IKBKE: variants seen among roughly 807,000 people sequenced by gnomAD.
IKBKE encodes the protein inhibitor of nuclear factor kappa B kinase subunit epsilon.
A neutral mutation model predicts 92.1 loss-of-function variants in IKBKE; 45 were observed. That is an observed-to-expected ratio of 0.49 (90% CI 0.38 to 0.63). The LOEUF is 0.63. IKBKE is among the 20% of genes least tolerant of loss of function. The pLI is 0.00. For missense variants in IKBKE, 700 were observed against 932.8 expected (o/e 0.75, Z 3.25); for synonymous variants, 374 against 380.3 (o/e 0.98, Z 0.19).
chr1:206,479,514 C>T (rs1665246298), intron 10 of IKBKE, among the ~76,000 whole-genome samples: 1 of 152,222 alleles, frequency 6.6e-6, no homozygotes, highest in Admixed American at 6.5e-5. Context: ...GCTTGGGCCT[C>T]TCTCCAAACT....
At chr1:206,474,616 G>A in intron 4 of IKBKE, 145 bp downstream of exon 4, 2 of 913,696 alleles carry the variant, frequency 2.2e-6, no homozygotes, top group Non-Finnish European at 3.3e-6. Flanking sequence ...GAGCAAAGGG[G>A]GCAAGGGGGT....
rs1478531515 is a variant in IKBKE, at chr1:206,479,880, C to T, written c.1194C>T (p.Asp398=). 9.3e-6 allele frequency: 15 copies of T among 1,613,752 alleles called. No individual in the cohort carries two copies. The highest frequency in any genetic ancestry group is 3.3e-5 in the Admixed American group (2 of 59,964). ...KGLAFRDPAL[D]VPKFVPKVDL... Reference sequence around the variant, plus strand: ...GGTCTTTGTCTGCAGCTGCTCTGGACGTCCCCAAGTTCGTCCCCAAAGTGG... The same window carrying T: ...GGTCTTTGTCTGCAGCTGCTCTGGATGTCCCCAAGTTCGTCCCCAAAGTGG... Residue 398 remains aspartate (D), a synonymous_variant, in exon 11 of 22, where the codon GAC becomes GAT. Coordinates refer to ENST00000581977, the MANE Select transcript of IKBKE (RefSeq NM_014002.4).
At position 206,493,249 on chromosome 1, in the gene IKBKE, G is replaced by A. The variant is rs782796731; in HGVS notation, c.1933-17G>A. The A allele has an allele frequency of 1.7e-5, 28 of 1,608,976 alleles. No individual in the cohort carries two copies. The highest frequency in any genetic ancestry group is 6.7e-5 in the Admixed American group (4 of 60,000). ...AGCTGGCTACTAATTGCTGACCAAAGTATGGCTTCCCTGCAGCTCCTGGAA... is the reference window on the plus strand; with the variant it reads ...AGCTGGCTACTAATTGCTGACCAAAATATGGCTTCCCTGCAGCTCCTGGAA... On this transcript the variant is annotated splice_polypyrimidine_tract_variant and intron_variant, in intron 19 of 21. Transcript: ENST00000581977.
Position 206,478,052 on chromosome 1 carries a change from C to CA in IKBKE, c.813-108_813-107insA. ...TCCCCAACCCACCCTGCCCCACCATCTTGGTCCTAGCTCTTCAGGATATTC... is the reference window on the plus strand; with the variant it reads ...TCCCCAACCCACCCTGCCCCACCATCATTGGTCCTAGCTCTTCAGGATATTC... On this transcript the variant is annotated intron_variant, in intron 8 of 21. Coordinates refer to ENST00000581977, the MANE Select transcript of IKBKE (RefSeq NM_014002.4). This position sits in a 1 kb window ranked among gnomAD's most constrained non-coding sequence, Gnocchi z 4.8. The CA allele has an allele frequency of 1.4e-6, 1 of 713,354 alleles. No homozygotes were observed. The highest frequency in any genetic ancestry group is 2.3e-6 in the Non-Finnish European group (1 of 427,534). The allele number at this position is 713,354 out of a possible 1,614,324, so 44.2% of individuals were successfully genotyped here.
chr1:206,485,625 T>C lies in IKBKE; in HGVS notation c.1616+319T>C, dbSNP rs1169332544. Reference sequence around the variant, plus strand: ...CCTTTCTCTGTGTCAGGCCCTTGGGTAGGTCCTCTCACGTACAGCATCTCG... The same window carrying C: ...CCTTTCTCTGTGTCAGGCCCTTGGGCAGGTCCTCTCACGTACAGCATCTCG... On this transcript the variant is annotated intron_variant, in intron 15 of 21. Coordinates refer to ENST00000581977, the MANE Select transcript of IKBKE (RefSeq NM_014002.4). The surrounding 1 kb of genome is among the most constrained non-coding windows in gnomAD (Gnocchi z 5.0). Among the ~76,000 whole-genome samples the C allele has an allele frequency of 2.0e-5, 3 of 152,194 alleles. No homozygotes were observed. The highest frequency in any genetic ancestry group is 7.2e-5 in the African/African-American group (3 of 41,436).
chr1:206,478,430 G>A lies in IKBKE; in HGVS notation c.992+91G>A. The A allele has an allele frequency of 7.6e-7, 1 of 1,312,446 alleles. No homozygotes were observed. Among genetic ancestry groups the A allele is most frequent in the Admixed American group, 1.7e-5 (1 of 58,276 alleles). 81.3% of individuals were successfully genotyped at this position (1,312,446 alleles called of 1,614,324 possible). A position where few individuals can be genotyped will look rare whatever the true frequency, so the allele number is the denominator to read the frequency against. ...AGCAGCATCTCCCACAGTACGTTCT[G>A]AGGAGTGTGTACATAGGAACGCTTC... On this transcript the variant is annotated intron_variant, in intron 9 of 21. Transcript: ENST00000581977. The surrounding 1 kb of genome is among the most constrained non-coding windows in gnomAD (Gnocchi z 4.8).
chr1:206,491,973 C>A, intron 18 of IKBKE: 2 of 438,190 alleles, frequency 4.6e-6, no homozygotes, highest in Non-Finnish European at 8.5e-6. Context: ...CAGTAGATAT[C>A]ATCACCCTAT....
intron 13 of IKBKE, among the ~76,000 whole-genome samples, chr1:206,481,170 T>C (rs575167112): frequency 6.6e-6 from 1 of 152,172 alleles, no homozygotes; most frequent in South Asian, 2.1e-4. Context: ...CAGAGCACGA[T>C]TGAGAAGTAG....
chr1:206,494,986 TAAA>T lies in IKBKE; in HGVS notation c.2117+1013_2117+1015del, dbSNP rs33957066. On this transcript the variant is annotated intron_variant, in intron 21 of 21. Coordinates refer to ENST00000581977, the MANE Select transcript of IKBKE (RefSeq NM_014002.4). ...CATAACCAAGTAAGCACATTTGAAG[TAAA>T]AAAAAAAAAAAAAAAAAGCCCTGTC... Among the ~76,000 whole-genome samples the T allele has an allele frequency of 6.5e-3, 710 of 108,894 alleles. 5 individuals are homozygous for T. Among genetic ancestry groups the T allele is most frequent in the African/African-American group, 0.017 (501 of 30,244 alleles). 71.4% of individuals were successfully genotyped at this position (108,894 alleles called of 152,430 possible).
intron 17 of IKBKE, chr1:206,491,185 CT>C (rs1665933943): frequency 2.3e-6 from 1 of 438,748 alleles, no homozygotes; most frequent in Non-Finnish European, 4.2e-6. Flanking sequence ...CCTTCCCTGC[CT>C]CCCCCCGCTC....
At chr1:206,475,067 G>A in intron 5 of IKBKE, 73 bp downstream of exon 5, 1 of 1,486,874 alleles carries the variant, frequency 6.7e-7, no homozygotes, top group Non-Finnish European at 9.2e-7. Context: ...ACAGGACTCA[G>A]GTGTCTGACT....
At chr1:206,486,144 T>TGTTCTTGTG (rs1277350892) in intron 15 of IKBKE, among the ~76,000 whole-genome samples, 7 of 152,272 alleles carry the variant, frequency 4.6e-5, no homozygotes, top group Non-Finnish European at 1.0e-4. Context: ...TTACGGTGAA[T>TGTTCTTGTG]GTTCTTGTGG....
rs918145103 is a variant in IKBKE at position 206,490,951 on chromosome 1, G to C, written c.1733+93G>C. Reference sequence around the variant, plus strand: ...CAACGCCAGAGGAGAGGCAGTGAAGGGCCCTGTCCCGGACTGCAGCTGAGC... The same window carrying C: ...CAACGCCAGAGGAGAGGCAGTGAAGCGCCCTGTCCCGGACTGCAGCTGAGC... On this transcript the variant is annotated intron_variant, in intron 17 of 21. Coordinates refer to ENST00000581977, the MANE Select transcript of IKBKE (RefSeq NM_014002.4). The surrounding 1 kb of genome is among the most constrained non-coding windows in gnomAD (Gnocchi z 5.2). The C allele has an allele frequency of 4.1e-6, 5 of 1,211,840 alleles. No homozygotes were observed. Among genetic ancestry groups the C allele is most frequent in the African/African-American group, 1.5e-5 (1 of 67,348 alleles). 75.1% of individuals were successfully genotyped at this position (1,211,840 alleles called of 1,614,324 possible).
intron 13 of IKBKE, among the ~76,000 whole-genome samples, chr1:206,481,915 G>T (rs1234372527): frequency 2.6e-5 from 4 of 151,226 alleles, no homozygotes; most frequent in Admixed American, 2.6e-4. Context: ...AAGTAGCTGG[G>T]ACTACAGGTG....
At chr1:206,475,107 C>A (rs7513584) in intron 5 of IKBKE, 113 bp downstream of exon 5, 2 of 1,186,568 alleles carry the variant, frequency 1.7e-6, no homozygotes, top group Non-Finnish European at 2.3e-6. Flanking sequence ...AAAATTCCAA[C>A]TTAAAAATTA....
In IKBKE at chr1:206,496,265, G is replaced by A. The variant is rs1666234847; in HGVS notation, c.*120G>A. 4 of 821,612 alleles carry A rather than the reference G, an allele frequency of 4.9e-6. No homozygotes were observed. Among genetic ancestry groups the A allele is most frequent in the Admixed American group, 1.9e-5 (1 of 53,628 alleles). The allele number at this position is 821,612 out of a possible 1,614,324, so 50.9% of individuals were successfully genotyped here. A position where few individuals can be genotyped will look rare whatever the true frequency, so the allele number is the denominator to read the frequency against. ...CATCACATCAGCCTACCTCCCTCCTGGCTGCTGGCCAGGATGTCGCCAGCA... is the reference window on the plus strand; with the variant it reads ...CATCACATCAGCCTACCTCCCTCCTAGCTGCTGGCCAGGATGTCGCCAGCA... On this transcript the variant is annotated 3_prime_UTR_variant, in exon 22 of 22. Transcript: ENST00000581977.
Position 206,490,752 on chromosome 1 carries a change from A to T in IKBKE, c.1694-67A>T, listed in dbSNP as rs1466376094. 15 of 1,517,538 alleles carry T rather than the reference A, an allele frequency of 9.9e-6. No homozygotes were observed. The highest frequency in any genetic ancestry group is 1.3e-5 in the Non-Finnish European group (14 of 1,092,386). 94.0% of individuals were successfully genotyped at this position (1,517,538 alleles called of 1,614,324 possible). A position where few individuals can be genotyped will look rare whatever the true frequency, so the allele number is the denominator to read the frequency against. ...GTCTTCATCTTTTAACTGTCTCTCG[A>T]CCTTTGCTGCACACTGTTTCGTTGA... On this transcript the variant is annotated intron_variant, in intron 16 of 21. Coordinates refer to ENST00000581977, the MANE Select transcript of IKBKE (RefSeq NM_014002.4). This position sits in a 1 kb window ranked among gnomAD's most constrained non-coding sequence, Gnocchi z 5.2.
chr1:206,476,769 T>G lies in IKBKE; in HGVS notation c.632T>G (p.Leu211Trp). Residue 211 changes from leucine to tryptophan, a missense_variant, in exon 7 of 22, where the codon TTG (leucine) becomes TGG (tryptophan). By Grantham distance (61) the Leu-to-Trp change is moderately conservative (BLOSUM62 -2). Transcript: ENST00000581977. This position sits in a 1 kb window ranked among gnomAD's most constrained non-coding sequence, Gnocchi z 5.1. ...TVDLWSIGVT[L>W]YHAATGSLPF... is the part of the protein sequence containing the mutation. ...GATCTCTGGAGCATTGGAGTGACCT[T>G]GTACCATGCAGCCACTGGCAGCCTG... The G allele has an allele frequency of 6.2e-7, 1 of 1,614,210 alleles. No homozygotes were observed. The highest frequency in any genetic ancestry group is 8.5e-7 in the Non-Finnish European group (1 of 1,180,026).
rs1312969601 is a variant in IKBKE, at chr1:206,487,599, C to T, written c.1617-315C>T. On this transcript the variant is annotated intron_variant, in intron 15 of 21. Coordinates refer to ENST00000581977, the MANE Select transcript of IKBKE (RefSeq NM_014002.4). This position sits in a 1 kb window ranked among gnomAD's most constrained non-coding sequence, Gnocchi z 5.3. ...CCCAGGGCCTAGTCTCACAACTTCTCAGGTAGTAAAGGCCACGTTCCTGTT... is the reference window on the plus strand; with the variant it reads ...CCCAGGGCCTAGTCTCACAACTTCTTAGGTAGTAAAGGCCACGTTCCTGTT... 6.6e-6 allele frequency among the ~76,000 whole-genome samples: 1 copy of T among 152,166 alleles called. No individual in the cohort carries two copies. The highest frequency in any genetic ancestry group is 6.5e-5 in the Admixed American group (1 of 15,284).
Sources: allele counts gnomAD v4.1 joint callset (sites outside exome capture counted in the v4.1 genomes callset), GRCh38; gene constraint gnomAD v4.1.1; non-coding constraint Gnocchi (gnomAD v3.1); transcripts MANE v1.5; gene names NCBI Gene and HGNC (gene_info 2026-07-23, HGNC 2026-07-21).